SORCS1: variants seen among roughly 807,000 people sequenced by gnomAD.
SORCS1 encodes sortilin related VPS10 domain containing receptor 1, also known as VPS10 domain-containing receptor SorCS1.
A neutral mutation model predicts 146.1 loss-of-function variants in SORCS1; 60 were observed. The ratio of observed to expected loss-of-function variants is 0.41; its 90% CI spans 0.33 to 0.51. The LOEUF is 0.51. SORCS1 is among the 20% of genes least tolerant of loss of function. SORCS1 has a pLI of 0.21. For missense variants in SORCS1, 1,352 were observed against 1,487.6 expected, an observed-to-expected ratio of 0.91 and a Z score of 1.50; for synonymous variants, 637 against 584.0, an observed-to-expected ratio of 1.09 and a Z score of -1.31.
rs1190333660 is a variant in SORCS1 at position 106,575,024 on chromosome 10, G to C, written c.*2396C>G. On this transcript the variant is annotated 3_prime_UTR_variant, in exon 26 of 26. Transcript: ENST00000263054. ...CAAGGCACTGTGCTAGAATAAGAGT[G>C]TTATACCTCTTTCATACTTTTCTAA... The C allele has an allele frequency of 6.6e-6, 1 of 152,638 alleles. No homozygotes were observed. Among genetic ancestry groups the C allele is most frequent in the East Asian group, 1.9e-4 (1 of 5,198 alleles). The allele number at this position is 152,638 out of a possible 1,614,324, so 9.5% of individuals were successfully genotyped here. A position where few individuals can be genotyped will look rare whatever the true frequency, so the allele number is the denominator to read the frequency against.
At chr10:107,029,597 A>T (rs966778474) in intron 1 of SORCS1, among the ~76,000 whole-genome samples, 10 of 152,220 alleles carry the variant, frequency 6.6e-5, no homozygotes, top group Admixed American at 5.9e-4. Context: ...TCAATGCATC[A>T]TTCAATTAAT....
chr10:107,021,868 T>C (rs1014455653), intron 1 of SORCS1, among the ~76,000 whole-genome samples: 3 of 152,214 alleles, frequency 2.0e-5, no homozygotes, highest in Admixed American at 6.5e-5. Context: ...CTTTACGTGA[T>C]TGGTGGAAGC....
chr10:106,595,411 A>G (rs1307004331), intron 24 of SORCS1, among the ~76,000 whole-genome samples: 1 of 152,132 alleles, frequency 6.6e-6, no homozygotes, highest in Admixed American at 6.5e-5. Context: ...GCTCTGAATC[A>G]GTCACACTTC....
At position 106,688,206 on chromosome 10, in the gene SORCS1, C is replaced by T. The variant is rs369987397; in HGVS notation, c.1546G>A (p.Val516Met). The T allele has an allele frequency of 1.2e-5, 20 of 1,613,618 alleles. No individual in the cohort carries two copies. Among genetic ancestry groups the T allele is most frequent in the South Asian group, 2.2e-5 (2 of 90,998 alleles). ...GGAAGACTCACCAGCAAGCAGTGCA[C>T]GGGGTCCCCCCTTAGATCCGTGTCC... ...APDTDLRGDP[V>M]HCLLPYCSLH... Residue 516 changes from valine to methionine, a missense_variant, in exon 10 of 26, where the codon GTG (valine) becomes ATG (methionine). Physicochemically the swap from Val to Met is conservative, Grantham distance 21 (BLOSUM62 1). Coordinates refer to ENST00000263054, the MANE Select transcript of SORCS1 (RefSeq NM_052918.5).
the SORCS1 span, among the ~76,000 whole-genome samples, chr10:107,179,333 A>C: frequency 3.6e-3 from 548 of 152,302 alleles, 2 homozygotes; most frequent in Non-Finnish European, 4.1e-3. Context: ...AATTAGCCTG[A>C]TGTAATCATT....
At chr10:106,766,335 T>C (rs951083350) in intron 4 of SORCS1, among the ~76,000 whole-genome samples, 1 of 152,250 alleles carries the variant, frequency 6.6e-6, no homozygotes, top group African/African-American at 2.4e-5. Context: ...ATCCACCTTA[T>C]GACTCTCTGC....
chr10:106,990,555 C>G (rs1052580581), intron 1 of SORCS1, among the ~76,000 whole-genome samples: 31 of 152,204 alleles, frequency 2.0e-4, no homozygotes, highest in African/African-American at 7.5e-4. Flanking sequence ...CAGGCATGAG[C>G]CACCACACCC....
At chr10:106,856,509 C>A (rs981817950) in intron 2 of SORCS1, among the ~76,000 whole-genome samples, 1 of 152,162 alleles carries the variant, frequency 6.6e-6, no homozygotes, top group African/African-American at 2.4e-5. Context: ...TCTGACAGAT[C>A]CCCAGCAGGT....
intron 12 of SORCS1, among the ~76,000 whole-genome samples, chr10:106,678,024 A>G (rs575576927): frequency 1.1e-4 from 16 of 152,294 alleles, no homozygotes; most frequent in African/African-American, 3.1e-4. Flanking sequence ...TCTTTCTCCA[A>G]ATGTAGAGAA....
chr10:106,590,297 G>C (rs1172307310), intron 24 of SORCS1, among the ~76,000 whole-genome samples: 8 of 152,052 alleles, frequency 5.3e-5, no homozygotes, highest in Non-Finnish European at 1.0e-4. Context: ...TTAGAATTTA[G>C]TAAAGTTTCA....
Position 107,164,054 on chromosome 10 carries a change from A to T in SORCS1, c.473T>A (p.Leu158Gln). 1 of 1,613,930 alleles carries T rather than the reference A, an allele frequency of 6.2e-7. No individual in the cohort carries two copies. Among genetic ancestry groups the T allele is most frequent in the Non-Finnish European group, 8.5e-7 (1 of 1,179,988 alleles). The change falls in exon 1 of 26, where the codon CTG becomes CAG. Residue 158 changes from leucine to glutamine, a missense_variant. Leu to Gln is a moderately radical substitution (Grantham distance 113). Around this residue, in one of 3 missense-constraint regions of SORCS1, gnomAD observed 490 missense variants for 489.1 expected, o/e 1.00. Transcript: ENST00000263054. This position sits in a 1 kb window ranked among gnomAD's most constrained non-coding sequence, Gnocchi z 6.8. Reference protein sequence around the residue: ...DKATRFRMEELRLTSTTFALT... With the variant: ...DKATRFRMEEQRLTSTTFALT... ...CGCAAACGTGGTGCTGGTCAGTCTC[A>T]GCTCCTCCATCCGGAAGCGGGTGGC...
chr10:106,752,254 G>T (rs1858312016), intron 5 of SORCS1, among the ~76,000 whole-genome samples: 1 of 152,126 alleles, frequency 6.6e-6, no homozygotes, highest in African/African-American at 2.4e-5. Context: ...ATTCAGAGAA[G>T]AAAGAGATTT....
intron 1 of SORCS1, among the ~76,000 whole-genome samples, chr10:107,128,960 G>A (rs1317639387): frequency 6.6e-6 from 1 of 152,140 alleles, no homozygotes; most frequent in Admixed American, 6.5e-5. Context: ...AACATATAAT[G>A]CACATCTGAA....
chr10:106,709,385 T>C (rs1854789321), intron 6 of SORCS1, 44 bp from the exon 7 acceptor site: 12 of 1,144,880 alleles, frequency 1.0e-5, no homozygotes, highest in Non-Finnish European at 1.3e-5. Context: ...TTGAGGGGGA[T>C]ATACAGACAG....
intron 10 of SORCS1, among the ~76,000 whole-genome samples, chr10:106,684,388 G>T (rs140438425): frequency 6.6e-6 from 1 of 152,082 alleles, no homozygotes; most frequent in Non-Finnish European, 1.5e-5. Flanking sequence ...CAAAGTCAGC[G>T]CCTCTTTCCA....
intron 1 of SORCS1, among the ~76,000 whole-genome samples, chr10:107,039,068 G>C (rs550425729): frequency 6.6e-6 from 1 of 152,064 alleles, no homozygotes; most frequent in African/African-American, 2.4e-5. Context: ...AAGAAATCAC[G>C]CCTGTAATCC....
chr10:106,916,345 A>T (rs1952422902), intron 2 of SORCS1, among the ~76,000 whole-genome samples: 1 of 151,926 alleles, frequency 6.6e-6, no homozygotes, highest in African/African-American at 2.4e-5. Context: ...ATTGATGGCA[A>T]TACATTTTTT....
intron 8 of SORCS1, among the ~76,000 whole-genome samples, chr10:106,706,126 T>C (rs927970749): frequency 2.0e-5 from 3 of 150,120 alleles, no homozygotes; most frequent in Non-Finnish European, 4.4e-5. Flanking sequence ...ATCTTTACTA[T>C]TGAAAAGCAA....
At chr10:106,766,377 C>A (rs1175257588) in intron 4 of SORCS1, among the ~76,000 whole-genome samples, 1 of 152,144 alleles carries the variant, frequency 6.6e-6, no homozygotes, top group Non-Finnish European at 1.5e-5. Flanking sequence ...CCTTTTTTAG[C>A]AAGAAAGAGA....
Sources: gnomAD v4.1 joint callset for allele counts (sites outside exome capture counted in the v4.1 genomes callset) on GRCh38, gnomAD v4.1.1 for gene constraint, gnomAD v4.1.1 regional missense constraint, Gnocchi (gnomAD v3.1) non-coding constraint, MANE v1.5 for transcripts, NCBI Gene and HGNC (gene_info 2026-07-23, HGNC 2026-07-21) for gene names.